The following LRRC42 variants were observed in gnomAD, a reference collection of about 807,000 sequenced individuals.
LRRC42 encodes the protein leucine rich repeat containing 42, also known as leucine-rich repeat-containing protein 42.
In LRRC42, 43 loss-of-function variants were observed where a neutral mutation model predicts 44.3. The ratio of observed to expected loss-of-function variants is 0.97; its 90% CI spans 0.76 to 1.25. The LOEUF is 1.25. Ranked by LOEUF, LRRC42 falls within the 50% of genes most tolerant of loss-of-function variation. LRRC42 has a pLI of 0.00. For synonymous variants in LRRC42, 207 were observed against 195.2 expected (o/e 1.06, Z -0.50); for missense variants, 540 against 509.1 (o/e 1.06, Z -0.58).
intron 7 of LRRC42, among the ~76,000 whole-genome samples, chr1:53,965,261 A>T (rs899782667): frequency 6.6e-6 from 1 of 151,978 alleles, no homozygotes; most frequent in African/African-American, 2.4e-5. Context: ...CTGGGATTAC[A>T]GGCGTGAGCT....
At chr1:53,956,413 A>G (rs558584860) in intron 3 of LRRC42, among the ~76,000 whole-genome samples, 2 of 152,348 alleles carry the variant, frequency 1.3e-5, no homozygotes, top group African/African-American at 4.8e-5. Context: ...GTCTTGCAAG[A>G]TGCCATGGAA....
At chr1:53,948,780 G>A (rs1285069875) in intron 2 of LRRC42, among the ~76,000 whole-genome samples, 4 of 152,234 alleles carry the variant, frequency 2.6e-5, no homozygotes. Context: ...AGGGACAAAT[G>A]AACCCAAGTA....
At chr1:53,963,976 T>G (rs988720973) in intron 7 of LRRC42, among the ~76,000 whole-genome samples, 1 of 110,876 alleles carries the variant, frequency 9.0e-6, no homozygotes, top group African/African-American at 3.4e-5. Context: ...TGTCCCCCTT[T>G]GTTGGCTATC....
chr1:53,952,749 A>G (rs1654728424), intron 3 of LRRC42, among the ~76,000 whole-genome samples: 1 of 152,230 alleles, frequency 6.6e-6, no homozygotes, highest in Non-Finnish European at 1.5e-5. Flanking sequence ...CAAAGAGAAA[A>G]TAGAAAAGAC....
At chr1:53,949,726 T>C (rs958080697) in intron 2 of LRRC42, among the ~76,000 whole-genome samples, 10 of 152,172 alleles carry the variant, frequency 6.6e-5, no homozygotes, top group Admixed American at 2.6e-4. Context: ...AGGATTTTTT[T>C]CCCCTGTTTT....
rs759658633 is a variant in LRRC42 at position 53,952,470 on chromosome 1, CAGGT to C, written c.472_473+2del. The C allele has an allele frequency of 2.5e-6, 4 of 1,590,684 alleles. No individual in the cohort carries two copies. Among genetic ancestry groups the C allele is most frequent in the East Asian group, 2.3e-5 (1 of 44,408 alleles). On this transcript the variant is annotated splice_donor_variant and coding_sequence_variant, in exon 3 of 9. Transcript: ENST00000371370. LOFTEE classifies it high-confidence loss of function. ...TGCTTTGCTCCCTGTGTTTGCGAAA[CAGGT>C]GGGTGTTCTGATTAGATTATTCGGT...
Position 53,960,385 on chromosome 1 carries a change from G to T in LRRC42, c.635G>T (p.Cys212Phe). 1.9e-6 allele frequency: 3 copies of T among 1,613,794 alleles called. No homozygotes were observed. Among genetic ancestry groups the T allele is most frequent in the Non-Finnish European group, 2.5e-6 (3 of 1,179,896 alleles). ...SVTQLHLKDN[C>F]LSDAGVRKMT... is the part of the protein sequence containing the mutation. ...ACTCAGCTCCACCTGAAGGATAATT[G>T]TTTATCTGATGCTGGGGTGCGGAAG... Residue 212 changes from cysteine to phenylalanine, a missense_variant, in exon 5 of 9, where the codon TGT becomes TTT. Cys to Phe is a radical substitution (Grantham distance 205). Transcript: ENST00000371370.
intron 7 of LRRC42, among the ~76,000 whole-genome samples, chr1:53,964,142 C>G (rs1013932684): frequency 4.6e-5 from 7 of 152,084 alleles, no homozygotes; most frequent in Non-Finnish European, 5.9e-5. Flanking sequence ...CCCTGCTCTC[C>G]TGACAGTGTC....
intron 1 of LRRC42, among the ~76,000 whole-genome samples, chr1:53,947,495 G>GTA (rs1293853917): frequency 6.6e-6 from 1 of 152,128 alleles, no homozygotes; most frequent in Admixed American, 6.5e-5. Flanking sequence ...GGTTATTGGT[G>GTA]GTTTAGAACT....
chr1:53,950,597 C>G (rs186260368), intron 2 of LRRC42, among the ~76,000 whole-genome samples: 1 of 152,344 alleles, frequency 6.6e-6, no homozygotes, highest in African/African-American at 2.4e-5. Flanking sequence ...AAAACTCAAT[C>G]AGATTATTTT....
At chr1:53,958,866 G>A (rs890835922) in intron 4 of LRRC42, among the ~76,000 whole-genome samples, 7 of 151,786 alleles carry the variant, frequency 4.6e-5, no homozygotes, top group South Asian at 2.1e-4. Flanking sequence ...GATTACAGGC[G>A]TCAGCCACTG....
At chr1:53,951,680 C>T (rs1654685399) in intron 2 of LRRC42, among the ~76,000 whole-genome samples, 1 of 152,178 alleles carries the variant, frequency 6.6e-6, no homozygotes, top group Non-Finnish European at 1.5e-5. Flanking sequence ...CCGCCTCGGC[C>T]TCCCAAAGTG....
rs757980933 is a variant in LRRC42, at chr1:53,952,253, C to T, written c.254C>T (p.Ser85Phe). 1.9e-6 allele frequency: 3 copies of T among 1,614,142 alleles called. No individual in the cohort carries two copies. The African/African-American group carries it at 4.0e-5, about 22-fold the overall frequency. The change falls in exon 3 of 9, where the codon TCC becomes TTC. Residue 85 changes from serine to phenylalanine, a missense_variant. Physicochemically the swap from Ser to Phe is radical, Grantham distance 155. Transcript: ENST00000371370. ...ACCCGAGAGGGGAATCTTCGGTACT[C>T]CGCCAAATCCCTCTTCAGCCTTGTC... The part of the protein sequence containing the change: ...TYTREGNLRY[S>F]AKSLFSLVLG...
At chr1:53,964,604 T>C (rs974010533) in intron 7 of LRRC42, among the ~76,000 whole-genome samples, 2 of 152,202 alleles carry the variant, frequency 1.3e-5, no homozygotes, top group African/African-American at 4.8e-5. Flanking sequence ...TGGTGTTCCC[T>C]GAAATCTGTT....
In LRRC42 at chr1:53,946,859, A is replaced by C. The variant is rs149821028; in HGVS notation, c.-49+310A>C. On this transcript the variant is annotated intron_variant, in intron 1 of 8. Transcript: ENST00000371370. ...AGAGAGCGGGAAGAAGGAAGGGGGA[A>C]GGGAATGGGATTTTAGGGGTTCAAG... 6.7e-4 allele frequency among the ~76,000 whole-genome samples: 88 copies of C among 131,618 alleles called. 1 individual carries two copies. Among genetic ancestry groups the C allele is most frequent in the African/African-American group, 2.4e-3 (80 of 33,894 alleles). 86.3% of individuals were successfully genotyped at this position (131,618 alleles called of 152,430 possible).
chr1:53,949,640 G>A (rs111907007), intron 2 of LRRC42, among the ~76,000 whole-genome samples: 382 of 152,342 alleles, frequency 2.5e-3, no homozygotes, highest in South Asian at 5.4e-3. Context: ...CAGAATAAAT[G>A]AGGTGTCTCC....
At chr1:53,967,417 T>C (rs1655155733) in intron 8 of LRRC42, among the ~76,000 whole-genome samples, 1 of 152,232 alleles carries the variant, frequency 6.6e-6, no homozygotes, top group South Asian at 2.1e-4. Context: ...ACAAGTCACT[T>C]ACCCACGGTC....
chr1:53,962,528 T>C, intron 7 of LRRC42, 119 bp downstream of exon 7: 1 of 695,668 alleles, frequency 1.4e-6, no homozygotes, highest in Non-Finnish European at 2.5e-6. Context: ...AATTGTCATC[T>C]TCATGTCAAA....
In LRRC42 at chr1:53,958,173, T is replaced by G; in HGVS notation, c.498T>G (p.Leu166=). Residue 166 remains leucine, a synonymous_variant, in exon 4 of 9, where the codon CTT becomes CTG. Coordinates refer to ENST00000371370, the MANE Select transcript of LRRC42 (RefSeq NM_001256409.2). ...RNRYLVISEK[L]EEIKSFRELT... is the part of the protein sequence containing the mutation. ...GGTATCTCGTGATTTCAGAAAAGCT[T>G]GAGGAGATTAAGTCTTTCCGGGAGC... 1.2e-6 allele frequency: 2 copies of G among 1,613,928 alleles called. No homozygotes were observed. The highest frequency in any genetic ancestry group is 1.7e-6 in the Non-Finnish European group (2 of 1,179,866).
Sources: gnomAD v4.1 joint callset for allele counts (sites outside exome capture counted in the v4.1 genomes callset) on GRCh38, gnomAD v4.1.1 for gene constraint, MANE v1.5 for transcripts, NCBI Gene and HGNC (gene_info 2026-07-23, HGNC 2026-07-21) for gene names.